Variants in MCTP1 observed in about 807,000 individuals in gnomAD.
MCTP1 encodes multiple C2 and transmembrane domain containing 1.
In MCTP1, 69 loss-of-function variants were observed where a neutral mutation model predicts 120.6. The ratio of observed to expected loss-of-function variants is 0.57; its 90% confidence interval spans 0.47 to 0.70. The LOEUF (loss-of-function observed/expected upper bound fraction) is 0.70. Ranked by LOEUF, MCTP1 falls within the 30% of genes least tolerant of loss-of-function variation. The pLI is 0.00. For synonymous variants in MCTP1, 529 were observed against 493.1 expected (o/e 1.07, Z -0.96); for missense variants, 1,203 against 1,248.8 (o/e 0.96, Z 0.55).
At position 94,743,394 on chromosome 5, in the gene MCTP1, AGAAAT is replaced by A. The variant is rs1261175374; in HGVS notation, c.2611-28513_2611-28509del. Among the ~76,000 whole-genome samples the A allele has an allele frequency of 2.0e-5, 3 of 152,070 alleles. No individual in the cohort carries two copies. The South Asian group carries it at 6.2e-4, about 31-fold the overall frequency. ...AGAGGAAAAACACAGCAGAGAAGAC[AGAAAT>A]AAAAAAGGAAGCTTGCAGCCTCACG... is the stretch of plus-strand genomic sequence containing the variant. On this transcript the variant is annotated intron_variant, in intron 19 of 22. Coordinates refer to ENST00000515393, the MANE Select transcript of MCTP1 (RefSeq NM_024717.7).
intron 8 of MCTP1, among the ~76,000 whole-genome samples, chr5:94,913,870 T>C (rs1268536277): frequency 6.6e-6 from 1 of 152,010 alleles, no homozygotes; most frequent in Non-Finnish European, 1.5e-5. Context: ...TTTTATTTTT[T>C]ATTTTTGTTT....
intron 17 of MCTP1, among the ~76,000 whole-genome samples, chr5:94,815,697 C>T (rs899672597): frequency 6.6e-6 from 1 of 152,190 alleles, no homozygotes; most frequent in Non-Finnish European, 1.5e-5. Flanking sequence ...AATAAAGAGG[C>T]AGCAATGTGT....
Position 94,776,701 on chromosome 5 carries a change from C to T in MCTP1, c.2610+2409G>A, listed in dbSNP as rs1034835697. Among the ~76,000 whole-genome samples the T allele has an allele frequency of 6.6e-5, 10 of 152,120 alleles. No individual in the cohort carries two copies. The South Asian group carries it at 8.3e-4, about 13-fold the overall frequency. On this transcript the variant is annotated intron_variant, in intron 19 of 22. Coordinates refer to ENST00000515393, the MANE Select transcript of MCTP1 (RefSeq NM_024717.7). ...TGAGAGCTAGAGGTCAGTACCTGCTCGTATGGCAAAGAACACATTTGTTTT... is the reference window on the plus strand; with the variant it reads ...TGAGAGCTAGAGGTCAGTACCTGCTTGTATGGCAAAGAACACATTTGTTTT...
intron 2 of MCTP1, among the ~76,000 whole-genome samples, chr5:94,966,795 GAA>G (rs1231140774): frequency 7.3e-6 from 1 of 137,336 alleles, no homozygotes; most frequent in Non-Finnish European, 1.6e-5. Context: ...ACTCTGTCTC[GAA>G]AAAAAAAAAA....
chr5:95,246,572 T>G (rs1449056985), intron 1 of MCTP1, among the ~76,000 whole-genome samples: 1 of 152,122 alleles, frequency 6.6e-6, no homozygotes, highest in African/African-American at 2.4e-5. Context: ...AGAAGGCCAC[T>G]ACATAATGGT....
intron 21 of MCTP1, chr5:94,710,489 T>C (rs1756512292): frequency 8.8e-6 from 2 of 228,298 alleles, no homozygotes; most frequent in African/African-American, 2.3e-5. Flanking sequence ...ATGCACCATA[T>C]GGATTGAAAT....
At chr5:95,162,621 C>T (rs1232730024) in intron 1 of MCTP1, among the ~76,000 whole-genome samples, 1 of 152,108 alleles carries the variant, frequency 6.6e-6, no homozygotes, top group Non-Finnish European at 1.5e-5. Context: ...AGCCAAAATA[C>T]CAACAGAATG....
At position 94,704,968 on chromosome 5, in the gene MCTP1, AC is replaced by A; in HGVS notation, c.*2527del. On this transcript the variant is annotated 3_prime_UTR_variant, in exon 23 of 23. Coordinates refer to ENST00000515393, the MANE Select transcript of MCTP1 (RefSeq NM_024717.7). Reference sequence around the variant, plus strand: ...TGGGGAAAAATTTAAAAGCACAAATACGCATTTCTTATGAATTATCACAACG... The same window carrying A: ...TGGGGAAAAATTTAAAAGCACAAATAGCATTTCTTATGAATTATCACAACG... 6.6e-6 allele frequency: 1 copy of A among 151,248 alleles called. No individual in the cohort carries two copies. The highest frequency in any genetic ancestry group is 1.5e-5 in the Non-Finnish European group (1 of 67,504). The allele number at this position is 151,248 out of a possible 1,614,324, so 9.4% of individuals were successfully genotyped here. A position where few individuals can be genotyped will look rare whatever the true frequency, so the allele number is the denominator to read the frequency against.
chr5:94,704,545 C>CTGAG lies in MCTP1; in HGVS notation c.*2947_*2950dup, dbSNP rs1754104126. ...GTGGTCCCTAGATAAGCATTTACTTCTGAGTTTTTCTTCACTTTTAAATGC... is the reference window on the plus strand; with the variant it reads ...GTGGTCCCTAGATAAGCATTTACTTCTGAGTGAGTTTTTCTTCACTTTTAAATGC... On this transcript the variant is annotated 3_prime_UTR_variant, in exon 23 of 23. Coordinates refer to ENST00000515393, the MANE Select transcript of MCTP1 (RefSeq NM_024717.7). 1 of 150,294 alleles carries CTGAG rather than the reference C, an allele frequency of 6.7e-6. No homozygotes were observed. Among genetic ancestry groups the CTGAG allele is most frequent in the African/African-American group, 2.5e-5 (1 of 40,386 alleles). The allele number at this position is 150,294 out of a possible 1,614,324, so 9.3% of individuals were successfully genotyped here.
chr5:94,955,571 C>T (rs1279845942), intron 2 of MCTP1, among the ~76,000 whole-genome samples: 1 of 152,140 alleles, frequency 6.6e-6, no homozygotes, highest in African/African-American at 2.4e-5. Flanking sequence ...GAGGCTTGAG[C>T]TTGGTAGGGA....
chr5:94,978,696 GT>G (rs911671216), intron 2 of MCTP1, among the ~76,000 whole-genome samples: 3 of 152,120 alleles, frequency 2.0e-5, no homozygotes, highest in African/African-American at 7.2e-5. Context: ...AGGGCTGGTA[GT>G]AGGGGTGGGG....
At chr5:95,271,223 G>A (rs1441462422) in intron 1 of MCTP1, among the ~76,000 whole-genome samples, 1 of 152,162 alleles carries the variant, frequency 6.6e-6, no homozygotes, top group Non-Finnish European at 1.5e-5. Context: ...TAATAAAATA[G>A]TGTAAGAAAT....
At position 94,796,386 on chromosome 5, in the gene MCTP1, C is replaced by T. The variant is rs554854302; in HGVS notation, c.2556+2627G>A. 1.8e-3 allele frequency among the ~76,000 whole-genome samples: 277 copies of T among 151,702 alleles called. 1 individual carries two copies. The highest frequency in any genetic ancestry group is 3.3e-3 in the Non-Finnish European group (225 of 67,914). On this transcript the variant is annotated intron_variant, in intron 18 of 22. Coordinates refer to ENST00000515393, the MANE Select transcript of MCTP1 (RefSeq NM_024717.7). ...AGCCAATGGTGTGATTAATGCACCT[C>T]GGAGATCCTGTAAAGTTTTCACACA...
At chr5:94,912,234 G>A (rs1808811234) in intron 9 of MCTP1, among the ~76,000 whole-genome samples, 1 of 151,680 alleles carries the variant, frequency 6.6e-6, no homozygotes, top group South Asian at 2.1e-4. Flanking sequence ...AGACCATCCT[G>A]GCTAACATGG....
intron 6 of MCTP1, among the ~76,000 whole-genome samples, chr5:94,924,929 A>G (rs140099668): frequency 2.8e-4 from 42 of 152,352 alleles, no homozygotes; most frequent in African/African-American, 9.4e-4. Flanking sequence ...ATCAAGATTT[A>G]GGACTTTGGT....
intron 1 of MCTP1, among the ~76,000 whole-genome samples, chr5:95,211,781 T>G (rs893782617): frequency 6.6e-6 from 1 of 152,212 alleles, no homozygotes; most frequent in Admixed American, 6.5e-5. Context: ...TTTTTTCTGC[T>G]CTGTTTTTCC....
chr5:94,854,273 TC>T lies in MCTP1; in HGVS notation c.2436+14059del, dbSNP rs1426509834. ...TTAAATGTTAAAACCTGGATCAACCTCTAACAGCTTGTTTGAGGTACGGGTC... is the reference window on the plus strand; with the variant it reads ...TTAAATGTTAAAACCTGGATCAACCTTAACAGCTTGTTTGAGGTACGGGTC... On this transcript the variant is annotated intron_variant, in intron 17 of 22. Coordinates refer to ENST00000515393, the MANE Select transcript of MCTP1 (RefSeq NM_024717.7). Among the ~76,000 whole-genome samples, 14 of 151,972 alleles carry T rather than the reference TC, an allele frequency of 9.2e-5. No homozygotes were observed. The East Asian group carries it at 2.5e-3, about 27-fold the overall frequency.
At chr5:95,230,193 T>C (rs1264755941) in intron 1 of MCTP1, among the ~76,000 whole-genome samples, 1 of 110,160 alleles carries the variant, frequency 9.1e-6, no homozygotes, top group Non-Finnish European at 2.1e-5. Context: ...TATGTGTGTG[T>C]GTATATATAT....
chr5:94,737,839 G>T (rs1197092828), intron 19 of MCTP1, among the ~76,000 whole-genome samples: 4 of 152,060 alleles, frequency 2.6e-5, no homozygotes, highest in Non-Finnish European at 4.4e-5. Context: ...ACCACACTTG[G>T]TTAATTTTTT....
Sources: allele counts gnomAD v4.1 joint callset (sites outside exome capture counted in the v4.1 genomes callset), GRCh38; gene constraint gnomAD v4.1.1; transcripts MANE v1.5; gene names NCBI Gene and HGNC (gene_info 2026-07-23, HGNC 2026-07-21).